The following TMEM163 variants were observed in gnomAD, a reference collection of about 807,000 sequenced individuals.
TMEM163 encodes the protein transmembrane protein 163.
A neutral mutation model predicts 29.3 loss-of-function variants in TMEM163; 17 were observed. The observed-to-expected ratio is 0.58, with a 90% CI of 0.40 to 0.87. TMEM163 has a LOEUF of 0.87. TMEM163 is among the 40% of genes least tolerant of loss of function. The pLI, the probability that TMEM163 is intolerant of heterozygous loss-of-function variation, is 0.00. For synonymous variants in TMEM163, 157 were observed against 160.6 expected (o/e 0.98, Z 0.17); for missense variants, 303 against 381.5 (o/e 0.79, Z 1.71).
chr2:134,625,262 T>C (rs919855808), intron 2 of TMEM163, among the ~76,000 whole-genome samples: 43 of 152,334 alleles, frequency 2.8e-4, no homozygotes, highest in Admixed American at 8.5e-4. Flanking sequence ...ATTTCTCCTC[T>C]TTCTTTTAAA....
chr2:134,628,798 A>T (rs1682906566), intron 2 of TMEM163, among the ~76,000 whole-genome samples: 1 of 152,242 alleles, frequency 6.6e-6, no homozygotes, highest in South Asian at 2.1e-4. Flanking sequence ...GTAATAAATC[A>T]TGAGTATAAC....
intron 2 of TMEM163, among the ~76,000 whole-genome samples, chr2:134,636,070 T>A (rs1296173904): frequency 6.6e-6 from 1 of 152,108 alleles, no homozygotes; most frequent in African/African-American, 2.4e-5. Flanking sequence ...CCTTCCCCCA[T>A]GGAACTCTCA....
chr2:134,588,543 T>A (rs1418443437), intron 2 of TMEM163, among the ~76,000 whole-genome samples: 1 of 152,090 alleles, frequency 6.6e-6, no homozygotes, highest in Non-Finnish European at 1.5e-5. Flanking sequence ...AACCAGCATG[T>A]GCCATTAACC....
chr2:134,576,795 GT>G (rs1681564931), intron 2 of TMEM163, among the ~76,000 whole-genome samples: 1 of 152,208 alleles, frequency 6.6e-6, no homozygotes, highest in Non-Finnish European at 1.5e-5. Context: ...ATGCACAGGA[GT>G]TCCTTCCTTT....
chr2:134,548,235 A>T (rs557318630), intron 4 of TMEM163, among the ~76,000 whole-genome samples: 1 of 152,236 alleles, frequency 6.6e-6, no homozygotes, highest in Non-Finnish European at 1.5e-5. Context: ...CAAAAAAAAA[A>T]TTTAAGTTTA....
At chr2:134,548,188 A>G (rs1398803813) in intron 4 of TMEM163, among the ~76,000 whole-genome samples, 2 of 152,232 alleles carry the variant, frequency 1.3e-5, no homozygotes, top group Non-Finnish European at 2.9e-5. Context: ...CACATATGTA[A>G]TTTTAAATTT....
chr2:134,488,833 T>TAA (rs1423062961), intron 5 of TMEM163, among the ~76,000 whole-genome samples: 2 of 152,040 alleles, frequency 1.3e-5, no homozygotes, highest in African/African-American at 4.8e-5. Context: ...CAGCAATTTA[T>TAA]AAAAGAGGAA....
At chr2:134,693,904 C>T (rs1013359912) in intron 2 of TMEM163, among the ~76,000 whole-genome samples, 8 of 152,220 alleles carry the variant, frequency 5.3e-5, no homozygotes, top group African/African-American at 1.7e-4. Context: ...GACAAAACAA[C>T]ACAATAAGCT....
intron 2 of TMEM163, among the ~76,000 whole-genome samples, chr2:134,585,117 A>C (rs888096952): frequency 1.3e-5 from 2 of 152,184 alleles, no homozygotes; most frequent in African/African-American, 2.4e-5. Flanking sequence ...TCTAACCATC[A>C]CATTTCAACC....
rs117341798 is a variant in TMEM163 at position 134,635,746 on chromosome 2, C to T, written c.322+77454G>A. ...GAGAGCAGAGGGTGAGTACTTGTAGCCAGGAGCAAGGAAAAATGAACAGGG... is the reference window on the plus strand; with the variant it reads ...GAGAGCAGAGGGTGAGTACTTGTAGTCAGGAGCAAGGAAAAATGAACAGGG... On this transcript the variant is annotated intron_variant, in intron 2 of 7. Coordinates refer to ENST00000281924, the MANE Select transcript of TMEM163 (RefSeq NM_030923.5). Among the ~76,000 whole-genome samples the T allele has an allele frequency of 8.8e-4, 134 of 152,188 alleles. 2 individuals carry two copies. In the East Asian group the frequency reaches 0.022, roughly 25 times the overall value.
chr2:134,700,395 T>C (rs976169057), intron 2 of TMEM163, among the ~76,000 whole-genome samples: 4 of 152,230 alleles, frequency 2.6e-5, no homozygotes, highest in African/African-American at 9.6e-5. Flanking sequence ...AACGTGAACT[T>C]GAGAATCCCT....
chr2:134,501,682 C>A (rs10211638), intron 5 of TMEM163, among the ~76,000 whole-genome samples: 5 of 152,100 alleles, frequency 3.3e-5, no homozygotes, highest in African/African-American at 1.2e-4. Flanking sequence ...AGGAGGAGGA[C>A]GCGAGAGTCC....
intron 2 of TMEM163, among the ~76,000 whole-genome samples, chr2:134,610,104 G>A (rs1682467196): frequency 6.6e-6 from 1 of 152,244 alleles, no homozygotes; most frequent in Non-Finnish European, 1.5e-5. Context: ...ATCTTAGGAA[G>A]CACAAGGAGA....
chr2:134,489,094 C>T (rs1679373895), intron 5 of TMEM163, among the ~76,000 whole-genome samples: 1 of 152,184 alleles, frequency 6.6e-6, no homozygotes, highest in African/African-American at 2.4e-5. Flanking sequence ...TAGAGAAACA[C>T]CATCCTCACA....
chr2:134,644,669 G>GA (rs1558975690), intron 2 of TMEM163, among the ~76,000 whole-genome samples: 1 of 151,868 alleles, frequency 6.6e-6, no homozygotes, highest in South Asian at 2.1e-4. Flanking sequence ...CAAAATTTTA[G>GA]AAAAAACATA....
chr2:134,601,580 G>A lies in TMEM163; in HGVS notation c.323-49489C>T, dbSNP rs1214028399. Among the ~76,000 whole-genome samples the A allele has an allele frequency of 2.6e-5, 4 of 152,176 alleles. No homozygotes were observed. In the South Asian group the frequency reaches 6.2e-4, roughly 24 times the overall value. ...CTGGACCACAGCTGTGTTCCTTCCC[G>A]GCCTGCCTCCTAAATGGGTTCCAAG... is the stretch of plus-strand genomic sequence containing the variant. On this transcript the variant is annotated intron_variant, in intron 2 of 7. Coordinates refer to ENST00000281924, the MANE Select transcript of TMEM163 (RefSeq NM_030923.5).
chr2:134,636,827 A>G (rs1333104571), intron 2 of TMEM163, among the ~76,000 whole-genome samples: 1 of 152,236 alleles, frequency 6.6e-6, no homozygotes, highest in Non-Finnish European at 1.5e-5. Context: ...TTGATGGATC[A>G]GCTGGTACCA....
At chr2:134,566,694 A>G (rs1220290814) in intron 2 of TMEM163, among the ~76,000 whole-genome samples, 1 of 152,198 alleles carries the variant, frequency 6.6e-6, no homozygotes, top group Non-Finnish European at 1.5e-5. Context: ...GATATACATT[A>G]TTTGCATCCA....
In TMEM163 at chr2:134,670,661, G is replaced by A. The variant is rs530312745; in HGVS notation, c.322+42539C>T. Among the ~76,000 whole-genome samples, 14 of 152,316 alleles carry A rather than the reference G, an allele frequency of 9.2e-5. No individual in the cohort carries two copies. In the South Asian group the frequency reaches 2.3e-3, roughly 25 times the overall value. ...ACAGCAGCAAATGACACAGAAAGGT[G>A]CATTAATGAGCTCAGGCAAGAGGAA... is the stretch of plus-strand genomic sequence containing the variant. On this transcript the variant is annotated intron_variant, in intron 2 of 7. Transcript: ENST00000281924.
Sources: gnomAD v4.1 joint callset for allele counts (sites outside exome capture counted in the v4.1 genomes callset) on GRCh38, gnomAD v4.1.1 for gene constraint, MANE v1.5 for transcripts, NCBI Gene and HGNC (gene_info 2026-07-23, HGNC 2026-07-21) for gene names.